Variants in R3HDM2 observed in about 807,000 individuals in gnomAD.
The protein encoded by R3HDM2 is R3H domain containing 2.
In R3HDM2, 38 loss-of-function variants were observed where a neutral mutation model predicts 124.5. The observed-to-expected ratio is 0.31, with a 90% CI of 0.24 to 0.40. R3HDM2 has a LOEUF of 0.40. Among genes scored for constraint, R3HDM2 ranks in the 10% least tolerant of loss-of-function variants. The probability of loss-of-function intolerance (pLI) is 1.00; values close to 1 mark genes in which losing one functional copy is unlikely to be tolerated. For missense variants in R3HDM2, 869 were observed against 1,236.9 expected (o/e 0.70, Z 4.46); for synonymous variants, 391 against 448.0 (o/e 0.87, Z 1.61).
In R3HDM2 at chr12:57,376,400, C is replaced by T. The variant is rs543499142; in HGVS notation, c.-36+19349G>A. Among the ~76,000 whole-genome samples the T allele has an allele frequency of 2.4e-4, 37 of 152,272 alleles. 1 individual carries two copies. The East Asian group carries it at 5.6e-3, about 23-fold the overall frequency. ...TGAATGGTGGGCAAGGGACAAACAACGGGAAGGGTACAGATGGAGACTAGG... is the reference window on the plus strand; with the variant it reads ...TGAATGGTGGGCAAGGGACAAACAATGGGAAGGGTACAGATGGAGACTAGG... On this transcript the variant is annotated intron_variant, in intron 2 of 23. Transcript: ENST00000402412.
chr12:57,310,093 C>T (rs2053594128), intron 3 of R3HDM2, among the ~76,000 whole-genome samples, 171 bp downstream of exon 3: 1 of 152,080 alleles, frequency 6.6e-6, no homozygotes, highest in Non-Finnish European at 1.5e-5. Flanking sequence ...TGCCTGTAGT[C>T]CCAGCTACTT....
intron 2 of R3HDM2, among the ~76,000 whole-genome samples, chr12:57,316,529 C>T (rs1355140867): frequency 6.6e-6 from 1 of 151,704 alleles, no homozygotes; most frequent in Non-Finnish European, 1.5e-5. Context: ...TGTGGCAGCA[C>T]CCTGCCAACA....
chr12:57,295,252 T>G lies in R3HDM2; in HGVS notation c.810+147A>C. The G allele has an allele frequency of 9.6e-6, 6 of 624,262 alleles. No individual in the cohort carries two copies. In the South Asian group the frequency reaches 1.2e-4, roughly 12 times the overall value. 38.7% of individuals were successfully genotyped at this position (624,262 alleles called of 1,614,324 possible). A position where few individuals can be genotyped will look rare whatever the true frequency, so the allele number is the denominator to read the frequency against. ...TTCAACAAATAAACAGTTCTCAACA[T>G]TAAGCCAAAGCCAACTCCGTATAGC... On this transcript the variant is annotated intron_variant, in intron 10 of 23. Transcript: ENST00000402412.
intron 1 of R3HDM2, among the ~76,000 whole-genome samples, chr12:57,399,757 G>A (rs1265514523): frequency 1.3e-5 from 2 of 152,168 alleles, no homozygotes; most frequent in East Asian, 1.9e-4. Context: ...TTCTAATGGT[G>A]TCATTATACT....
intron 2 of R3HDM2, among the ~76,000 whole-genome samples, chr12:57,370,011 T>TA (rs1364439626): frequency 1.3e-5 from 2 of 152,136 alleles, no homozygotes; most frequent in African/African-American, 2.4e-5. Context: ...GAAAGTTTCC[T>TA]AAAAAATGTT....
At chr12:57,425,953 C>T (rs1010876252) in intron 1 of R3HDM2, among the ~76,000 whole-genome samples, 2 of 151,944 alleles carry the variant, frequency 1.3e-5, no homozygotes, top group Admixed American at 6.6e-5. Context: ...ATAGGTCAGG[C>T]GCGGTGGCTC....
In R3HDM2 at chr12:57,382,493, T is replaced by C. The variant is rs1264665631; in HGVS notation, c.-36+13256A>G. On this transcript the variant is annotated intron_variant, in intron 2 of 23. Coordinates refer to ENST00000402412, the MANE Select transcript of R3HDM2 (RefSeq NM_001394031.1). ...AACTCCTGACCTCAAGTAATCTGCCTGCCTCAGCCTCTCAAAGTGCTGGGA... is the reference window on the plus strand; with the variant it reads ...AACTCCTGACCTCAAGTAATCTGCCCGCCTCAGCCTCTCAAAGTGCTGGGA... Among the ~76,000 whole-genome samples, 5 of 142,484 alleles carry C rather than the reference T, an allele frequency of 3.5e-5. No individual in the cohort carries two copies. The East Asian group carries it at 8.8e-4, about 25-fold the overall frequency. 93.5% of individuals were successfully genotyped at this position (142,484 alleles called of 152,430 possible).
chr12:57,388,678 A>C (rs944778879), intron 2 of R3HDM2, among the ~76,000 whole-genome samples: 4 of 152,174 alleles, frequency 2.6e-5, no homozygotes, highest in Admixed American at 1.3e-4. Flanking sequence ...CTGGACCACG[A>C]AGGCAGTTAC....
intron 1 of R3HDM2, among the ~76,000 whole-genome samples, chr12:57,416,459 T>G (rs368877565): frequency 3.5e-4 from 54 of 152,274 alleles, no homozygotes; most frequent in African/African-American, 1.2e-3. Context: ...ACCAAAATAC[T>G]TGGCTGCCCA....
At position 57,268,426 on chromosome 12, in the gene R3HDM2, A is replaced by G. The variant is rs747395490; in HGVS notation, c.1907T>C (p.Val636Ala). Residue 636 changes from valine to alanine, a missense_variant, in exon 18 of 24, where the codon GTC (valine) becomes GCC (alanine). By Grantham distance (64) the Val-to-Ala change is moderately conservative. This residue lies in a region of R3HDM2 where 602 missense variants were observed against 789.2 expected (regional missense o/e 0.76). Transcript: ENST00000402412. ...CATGGGTTGCTGGAAAGGCGGCTGG[A>G]CCACATTTTGCGAGTCACTACCCAC... ...VPVGSDSQNV[V>A]QPPFQQPMLV... 6.2e-7 allele frequency: 1 copy of G among 1,613,990 alleles called. No individual in the cohort carries two copies. The highest frequency in any genetic ancestry group is 8.5e-7 in the Non-Finnish European group (1 of 1,180,022).
At chr12:57,324,934 C>A (rs2057077380) in intron 2 of R3HDM2, among the ~76,000 whole-genome samples, 1 of 152,042 alleles carries the variant, frequency 6.6e-6, no homozygotes, top group African/African-American at 2.4e-5. Context: ...TGACTAGTGT[C>A]ATTATAAGAA....
intron 1 of R3HDM2, among the ~76,000 whole-genome samples, chr12:57,422,126 T>G (rs1469613443): frequency 1.3e-5 from 2 of 149,178 alleles, no homozygotes; most frequent in African/African-American, 2.5e-5. Flanking sequence ...AAATTTTGAG[T>G]CCATCTATCC....
chr12:57,254,016 T>C lies in R3HDM2; in HGVS notation c.*757A>G. ...GGTCTAGGAAGACAAGATGGGGAAG[T>C]GAGAGAATGGGGCAATCAATTTTGT... On this transcript the variant is annotated 3_prime_UTR_variant, in exon 24 of 24. Transcript: ENST00000402412. 6 of 395,386 alleles carry C rather than the reference T, an allele frequency of 1.5e-5. No homozygotes were observed. The highest frequency in any genetic ancestry group is 1.1e-4 in the South Asian group (6 of 53,652). The allele number at this position is 395,386 out of a possible 1,614,324, so 24.5% of individuals were successfully genotyped here.
intron 10 of R3HDM2, 136 bp downstream of exon 10, chr12:57,295,263 C>T (rs1423683076): frequency 6.2e-6 from 4 of 644,744 alleles, no homozygotes; most frequent in Non-Finnish European, 1.1e-5. Context: ...TAAGCCAAAG[C>T]CAACTCCGTA....
Position 57,259,350 on chromosome 12 carries a change from A to G in R3HDM2, c.2132-291T>C, listed in dbSNP as rs548581109. ...GGCAGAAAACTACTCCATTCTGTCA[A>G]CGCTGGCTATAACCAAATGCCCAGG... On this transcript the variant is annotated intron_variant, in intron 19 of 23. Transcript: ENST00000402412. 1.5e-4 allele frequency among the ~76,000 whole-genome samples: 23 copies of G among 152,274 alleles called. No individual in the cohort carries two copies. The South Asian group carries it at 3.1e-3, about 21-fold the overall frequency.
intron 3 of R3HDM2, among the ~76,000 whole-genome samples, chr12:57,304,984 G>A (rs2052233323): frequency 6.6e-6 from 1 of 152,156 alleles, no homozygotes; most frequent in Non-Finnish European, 1.5e-5. Flanking sequence ...AGGAGTTCAA[G>A]GCCAGCCTGG....
At chr12:57,265,320 C>T (rs982852050) in intron 19 of R3HDM2, among the ~76,000 whole-genome samples, 1 of 152,104 alleles carries the variant, frequency 6.6e-6, no homozygotes, top group Non-Finnish European at 1.5e-5. Context: ...TAAAATGTTA[C>T]AATGTATGTG....
intron 2 of R3HDM2, among the ~76,000 whole-genome samples, chr12:57,329,625 A>C (rs1376598740): frequency 6.6e-6 from 1 of 152,198 alleles, no homozygotes; most frequent in Non-Finnish European, 1.5e-5. Flanking sequence ...CTTATGAGTA[A>C]CATATTCCCA....
intron 2 of R3HDM2, among the ~76,000 whole-genome samples, chr12:57,386,082 T>C (rs1203796075): frequency 6.6e-6 from 1 of 152,268 alleles, no homozygotes; most frequent in Non-Finnish European, 1.5e-5. Flanking sequence ...GCTGCTGTTT[T>C]GTAAAAAGTT....
Sources: gnomAD v4.1 joint callset for allele counts (sites outside exome capture counted in the v4.1 genomes callset) on GRCh38, gnomAD v4.1.1 for gene constraint, gnomAD v4.1.1 regional missense constraint, MANE v1.5 for transcripts, NCBI Gene and HGNC (gene_info 2026-07-23, HGNC 2026-07-21) for gene names.